The following PDIA5 variants were observed in gnomAD, a reference collection of about 807,000 sequenced individuals.
PDIA5 encodes the protein protein disulfide-isomerase A5.
Under a neutral mutation model 77.6 loss-of-function variants are expected in PDIA5, and 58 were observed. That is an observed-to-expected ratio of 0.75 (90% CI 0.61 to 0.93). PDIA5 has a LOEUF of 0.93. PDIA5 is among the 40% of genes least tolerant of loss of function. The pLI, the probability that PDIA5 is intolerant of heterozygous loss-of-function variation, is 0.00. For synonymous variants in PDIA5, 250 were observed against 252.1 expected, an observed-to-expected ratio of 0.99 and a Z score of 0.08; for missense variants, 630 against 647.7, an observed-to-expected ratio of 0.97 and a Z score of 0.30.
intron 3 of PDIA5, among the ~76,000 whole-genome samples, chr3:123,099,254 C>G (rs187897267): frequency 6.6e-6 from 1 of 152,340 alleles, no homozygotes; most frequent in East Asian, 1.9e-4. Context: ...AGCGGTAAGA[C>G]AGTATCATTC....
At position 123,151,927 on chromosome 3, in the gene PDIA5, TCCTGCCTTCCTTCCTG is replaced by T. The variant is rs1299556917; in HGVS notation, c.1273+1599_1273+1614del. On this transcript the variant is annotated intron_variant, in intron 14 of 16. Coordinates refer to ENST00000316218, the MANE Select transcript of PDIA5 (RefSeq NM_006810.4). ...TGCCTTCCTTCCTGCCTTCCTTCCTTCCTGCCTTCCTTCCTGCCTGCCTTCCTTCCTGCCTGCCTTC... is the reference window on the plus strand; with the variant it reads ...TGCCTTCCTTCCTGCCTTCCTTCCTTCCTGCCTTCCTTCCTGCCTGCCTTC... Among the ~76,000 whole-genome samples, 450 of 78,124 alleles carry T rather than the reference TCCTGCCTTCCTTCCTG, an allele frequency of 5.8e-3. 3 individuals are homozygous for T. Among genetic ancestry groups the T allele is most frequent in the Middle Eastern group, 0.03 (4 of 132 alleles). 51.3% of individuals were successfully genotyped at this position (78,124 alleles called of 152,430 possible). A position where few individuals can be genotyped will look rare whatever the true frequency, so the allele number is the denominator to read the frequency against.
intron 7 of PDIA5, among the ~76,000 whole-genome samples, chr3:123,114,425 C>T (rs2107945626): frequency 1.3e-5 from 2 of 152,302 alleles, no homozygotes; most frequent in Admixed American, 1.3e-4. Flanking sequence ...TGTTCCCCGG[C>T]TCTATCTAAC....
intron 3 of PDIA5, among the ~76,000 whole-genome samples, chr3:123,097,230 G>C (rs983779187): frequency 1.3e-5 from 2 of 152,194 alleles, no homozygotes; most frequent in Non-Finnish European, 2.9e-5. Flanking sequence ...ACTCCCAGAA[G>C]AACTGTCGTG....
intron 11 of PDIA5, among the ~76,000 whole-genome samples, chr3:123,135,135 A>G (rs1304315291): frequency 6.6e-6 from 1 of 152,154 alleles, no homozygotes; most frequent in Non-Finnish European, 1.5e-5. Flanking sequence ...GGCGTTCCAT[A>G]TGAGAGAAGT....
At chr3:123,108,978 C>G (rs865986379) in intron 6 of PDIA5, among the ~76,000 whole-genome samples, 1 of 152,178 alleles carries the variant, frequency 6.6e-6, no homozygotes. Context: ...ACAGCCTAAA[C>G]GGAGTGCTGC....
chr3:123,134,774 G>T (rs996370400), intron 11 of PDIA5, among the ~76,000 whole-genome samples: 2 of 152,220 alleles, frequency 1.3e-5, no homozygotes, highest in Non-Finnish European at 2.9e-5. Flanking sequence ...TCTGCCACAG[G>T]CCACACTGAG....
chr3:123,120,655 C>T (rs1386658330), intron 8 of PDIA5, among the ~76,000 whole-genome samples: 1 of 152,264 alleles, frequency 6.6e-6, no homozygotes, highest in East Asian at 1.9e-4. Context: ...GCCAGTGCCA[C>T]GTGTCAGATG....
At chr3:123,161,265 GT>G in intron 15 of PDIA5, 55 bp from the exon 16 acceptor site, 1 of 1,569,564 alleles carries the variant, frequency 6.4e-7, no homozygotes, top group Non-Finnish European at 8.7e-7. Context: ...GTGTTGTGGG[GT>G]CCAGGCCTCA....
At chr3:123,120,582 C>G (rs752270539) in intron 8 of PDIA5, among the ~76,000 whole-genome samples, 2 of 152,198 alleles carry the variant, frequency 1.3e-5, no homozygotes, top group Admixed American at 1.3e-4. Flanking sequence ...TTCCAGTGAC[C>G]ACATCTCTGT....
chr3:123,136,758 G>A (rs1375693223), intron 11 of PDIA5, among the ~76,000 whole-genome samples: 1 of 149,818 alleles, frequency 6.7e-6, no homozygotes, highest in Non-Finnish European at 1.5e-5. Flanking sequence ...AAGGGGGTTG[G>A]GTTTTTTGTT....
At chr3:123,080,252 C>T (rs539242862) in intron 1 of PDIA5, among the ~76,000 whole-genome samples, 1 of 152,268 alleles carries the variant, frequency 6.6e-6, no homozygotes, top group African/African-American at 2.4e-5. Context: ...ATTGAGTTCC[C>T]ACAGCCTTCT....
chr3:123,117,183 A>C (rs1935016083), intron 8 of PDIA5, among the ~76,000 whole-genome samples: 1 of 151,744 alleles, frequency 6.6e-6, no homozygotes, highest in Admixed American at 6.6e-5. Context: ...ATAACATTAC[A>C]TTGACTATCT....
At chr3:123,110,808 C>G (rs1284420168) in intron 6 of PDIA5, 136 bp from the exon 7 acceptor site, 1 of 772,488 alleles carries the variant, frequency 1.3e-6, no homozygotes, top group Non-Finnish European at 2.3e-6. Flanking sequence ...CCAGCGTATG[C>G]TTTCTGAAGT....
At chr3:123,131,752 C>T (rs1179908795) in intron 11 of PDIA5, among the ~76,000 whole-genome samples, 1 of 151,890 alleles carries the variant, frequency 6.6e-6, no homozygotes, top group Non-Finnish European at 1.5e-5. Flanking sequence ...GGAGCAGTGT[C>T]TTCCTACTCC....
chr3:123,101,165 C>G (rs1328889081), intron 3 of PDIA5, among the ~76,000 whole-genome samples: 5 of 152,176 alleles, frequency 3.3e-5, no homozygotes, highest in African/African-American at 1.2e-4. Context: ...AGAACATGAG[C>G]CAGTGAAGGA....
chr3:123,123,170 A>C (rs938723007), intron 8 of PDIA5, among the ~76,000 whole-genome samples: 1 of 152,138 alleles, frequency 6.6e-6, no homozygotes, highest in Non-Finnish European at 1.5e-5. Context: ...CCAGCTAATC[A>C]GGAGGCTGAC....
At chr3:123,125,610 G>A (rs896953279) in intron 10 of PDIA5, among the ~76,000 whole-genome samples, 2 of 152,186 alleles carry the variant, frequency 1.3e-5, no homozygotes, top group African/African-American at 4.8e-5. Context: ...AAGATATGGA[G>A]GTTGAAAATG....
chr3:123,072,690 C>T (rs1399490392), intron 1 of PDIA5, among the ~76,000 whole-genome samples: 1 of 152,182 alleles, frequency 6.6e-6, no homozygotes, highest in African/African-American at 2.4e-5. Context: ...AGTAGATCCC[C>T]TCTTGAGAAT....
Position 123,145,584 on chromosome 3 carries a change from G to C in PDIA5, c.973G>C (p.Glu325Gln). ...FEKAAEALHG[E>Q]ADSSGVLAAV... ...GAAGGCAGCAGAAGCCCTCCATGGA[G>C]AAGCGGATGTAAGCTTCCTTTCCTT... Residue 325 changes from glutamate (E) to glutamine (Q), a missense_variant, in exon 12 of 17, where the codon GAA becomes CAA. Physicochemically the swap from Glu to Gln is conservative, Grantham distance 29. Transcript: ENST00000316218. 6.2e-7 allele frequency: 1 copy of C among 1,611,950 alleles called. No homozygotes were observed. Among genetic ancestry groups the C allele is most frequent in the Non-Finnish European group, 8.5e-7 (1 of 1,178,042 alleles).
Sources: allele counts gnomAD v4.1 joint callset (sites outside exome capture counted in the v4.1 genomes callset), GRCh38; gene constraint gnomAD v4.1.1; transcripts MANE v1.5; gene names NCBI Gene and HGNC (gene_info 2026-07-23, HGNC 2026-07-21).